MCM3: variants seen among roughly 807,000 people sequenced by gnomAD.
The protein encoded by MCM3 is minichromosome maintenance complex component 3.
MCM3 carries 59 observed loss-of-function variants against 91.3 expected under a neutral mutation model. That is an observed-to-expected ratio of 0.65 (90% confidence interval 0.52 to 0.80). MCM3 has a LOEUF of 0.80. MCM3 is among the 30% of genes least tolerant of loss of function. The pLI is 0.00. For missense variants in MCM3, 919 were observed against 1,035.4 expected (o/e 0.89, Z 1.54); for synonymous variants, 383 against 379.6 (o/e 1.01, Z -0.10).
chr6:52,282,293 G>A (rs548898427), intron 3 of MCM3, 118 bp from the exon 4 acceptor site: 207 of 890,176 alleles, frequency 2.3e-4, no homozygotes, highest in Admixed American at 6.2e-4. Context: ...ACTAGGTTAC[G>A]ATATTTCAAT....
chr6:52,269,071 C>G lies in MCM3; in HGVS notation c.1968+15G>C. On this transcript the variant is annotated intron_variant, in intron 13 of 16. Transcript: ENST00000596288. The stretch of plus-strand genomic sequence containing the variant: ...TCCAGGAGATCCTCTCATGCCCAGG[C>G]ATCTGAATCCTCACCTTCTTAAAGT... The G allele has an allele frequency of 6.2e-7, 1 of 1,605,362 alleles. No individual in the cohort carries two copies. The highest frequency in any genetic ancestry group is 8.5e-7 in the Non-Finnish European group (1 of 1,173,390).
At chr6:52,276,544 A>C (rs2128280869) in intron 8 of MCM3, 68 bp from the exon 9 acceptor site, 1 of 1,289,156 alleles carries the variant, frequency 7.8e-7, no homozygotes, top group East Asian at 2.4e-5. Context: ...GAAGGATTTC[A>C]ATCTCCTTCC....
At chr6:52,271,113 G>C (rs1406324648) in intron 12 of MCM3, among the ~76,000 whole-genome samples, 2 of 151,970 alleles carry the variant, frequency 1.3e-5, no homozygotes, top group African/African-American at 2.4e-5. Context: ...GGGAGGCGGA[G>C]GTTGCAGTGA....
rs112984542 is a variant in MCM3 at position 52,272,385 on chromosome 6, G to A, written c.1743C>T (p.Val581=). ...YIHVAKIIKP[V]LTQESATYIA... is the part of the protein sequence containing the mutation. ...TGTAGGTGGCCGACTCCTGTGTCAG[G>A]ACAGGCTTGATGATTTTGGCCACAT... is the stretch of plus-strand genomic sequence containing the variant. The change falls in exon 12 of 17, where the codon GTC becomes GTT. Residue 581 remains valine, a synonymous_variant. Coordinates refer to ENST00000596288, the MANE Select transcript of MCM3 (RefSeq NM_002388.6). 2 of 1,614,132 alleles carry A rather than the reference G, an allele frequency of 1.2e-6. No individual in the cohort carries two copies. The highest frequency in any genetic ancestry group is 2.2e-5 in the East Asian group (1 of 44,884).
At chr6:52,272,937 ACACT>A (rs973007665) in intron 11 of MCM3, among the ~76,000 whole-genome samples, 4 of 152,228 alleles carry the variant, frequency 2.6e-5, no homozygotes, top group African/African-American at 9.6e-5. Context: ...TGGCTACATG[ACACT>A]TGCCATCTTT....
chr6:52,264,857 G>A (rs1036039598), intron 16 of MCM3, 71 bp from the exon 17 acceptor site: 52 of 1,330,398 alleles, frequency 3.9e-5, no homozygotes, highest in Non-Finnish European at 5.4e-5. Context: ...AGCTATACTA[G>A]GAAAATCCAT....
Position 52,266,129 on chromosome 6 carries a change from G to C in MCM3, c.2174C>G (p.Thr725Arg), listed in dbSNP as rs200641063. 1 of 1,613,930 alleles carries C rather than the reference G, an allele frequency of 6.2e-7. No homozygotes were observed. The highest frequency in any genetic ancestry group is 8.5e-7 in the Non-Finnish European group (1 of 1,179,824). ...TTCCTTGGTCTCCTGTGAGTCTGCCGTCTTTGGAGTGTGTACTTCAGAGGG... is the reference window on the plus strand; with the variant it reads ...TTCCTTGGTCTCCTGTGAGTCTGCCCTCTTTGGAGTGTGTACTTCAGAGGG... ...EEMPQVHTPKTADSQETKESQ... is the reference protein window; with the variant it reads ...EEMPQVHTPKRADSQETKESQ... The change falls in exon 16 of 17, where the codon ACG (threonine) becomes AGG (arginine). Residue 725 changes from threonine (T) to arginine (R), a missense_variant. Coordinates refer to ENST00000596288, the MANE Select transcript of MCM3 (RefSeq NM_002388.6).
At chr6:52,268,275 A>C (rs192918379) in intron 13 of MCM3, among the ~76,000 whole-genome samples, 274 of 152,326 alleles carry the variant, frequency 1.8e-3, no homozygotes, top group African/African-American at 6.3e-3. Flanking sequence ...TTTCCTTATA[A>C]ATCAGGTGTC....
In MCM3 at chr6:52,266,161, G is replaced by A; in HGVS notation, c.2159-17C>T. 1.2e-6 allele frequency: 2 copies of A among 1,604,732 alleles called. No individual in the cohort carries two copies. Among genetic ancestry groups the A allele is most frequent in the East Asian group, 2.2e-5 (1 of 44,838 alleles). The stretch of plus-strand genomic sequence containing the variant: ...GAGTGTGTACTTCAGAGGGTTGATG[G>A]TTGTAGAGATGGGGAAGATAAGCAA... On this transcript the variant is annotated splice_polypyrimidine_tract_variant and intron_variant, in intron 15 of 16. Coordinates refer to ENST00000596288, the MANE Select transcript of MCM3 (RefSeq NM_002388.6).
At position 52,278,867 on chromosome 6, in the gene MCM3, A is replaced by G. The variant is rs1202398600; in HGVS notation, c.771-17T>C. The G allele has an allele frequency of 1.3e-6, 2 of 1,565,500 alleles. No individual in the cohort carries two copies. The highest frequency in any genetic ancestry group is 1.7e-5 in the Admixed American group (1 of 58,802). On this transcript the variant is annotated splice_polypyrimidine_tract_variant and intron_variant, in intron 5 of 16. Transcript: ENST00000596288. ...AGGACAGTCCTGGGACAAACAGAAT[A>G]AAGAGGAAACCCGTTATATTCAATT...
chr6:52,264,282 A>G lies in MCM3; in HGVS notation c.*306T>C, dbSNP rs1434435749. ...GCCCCCAAAAGTACTCAGAAGTCAT[A>G]TGTTATTTACAATTGGGTTTGTGTG... On this transcript the variant is annotated 3_prime_UTR_variant, in exon 17 of 17. Coordinates refer to ENST00000596288, the MANE Select transcript of MCM3 (RefSeq NM_002388.6). The G allele has an allele frequency of 6.1e-6, 2 of 326,064 alleles. No individual in the cohort carries two copies. Among genetic ancestry groups the G allele is most frequent in the African/African-American group, 4.2e-5 (2 of 47,112 alleles). The allele number at this position is 326,064 out of a possible 1,614,324, so 20.2% of individuals were successfully genotyped here. A position where few individuals can be genotyped will look rare whatever the true frequency, so the allele number is the denominator to read the frequency against.
chr6:52,275,234 G>A (rs956433661), intron 9 of MCM3, among the ~76,000 whole-genome samples: 4 of 152,172 alleles, frequency 2.6e-5, no homozygotes, highest in Admixed American at 6.5e-5. Flanking sequence ...CCATCGCATC[G>A]CAACAAGGTG....
Position 52,264,659 on chromosome 6 carries a change from G to A in MCM3, c.2356C>T (p.Gln786Ter). Residue 786 changes from glutamine (Q) to a stop codon, truncating the protein, a stop_gained, in exon 17 of 17, where the codon CAG (glutamine) becomes TAG (stop). Coordinates refer to ENST00000596288, the MANE Select transcript of MCM3 (RefSeq NM_002388.6). LOFTEE classifies it high-confidence loss of function. Reference protein sequence around the residue: ...SEEPFSSVEIQAALSKMQDDN... With the variant: ...SEEPFSSVEI ...TCCTGCATCTTGCTCAGAGCAGCCT[G>A]GATCTCAACTGAAGAGAAGGGCTCT... 1 of 1,614,180 alleles carries A rather than the reference G, an allele frequency of 6.2e-7. No individual in the cohort carries two copies. The highest frequency in any genetic ancestry group is 8.5e-7 in the Non-Finnish European group (1 of 1,180,046).
At chr6:52,268,405 C>G (rs1764815445) in intron 13 of MCM3, among the ~76,000 whole-genome samples, 1 of 152,070 alleles carries the variant, frequency 6.6e-6, no homozygotes, top group South Asian at 2.1e-4. Context: ...TACAACTCAA[C>G]CCTTAACCTA....
Position 52,277,217 on chromosome 6 carries a change from G to A in MCM3, c.1034-19C>T. On this transcript the variant is annotated intron_variant, in intron 7 of 16. Transcript: ENST00000596288. ...GGGTCTCCTGTAGGGTGGGGGCAGT[G>A]ATGACTCTCTAGGAAACTCCCCAGC... The A allele has an allele frequency of 6.2e-7, 1 of 1,608,580 alleles. No individual in the cohort carries two copies. Among genetic ancestry groups the A allele is most frequent in the Admixed American group, 1.7e-5 (1 of 59,906 alleles).
chr6:52,274,747 CTCCTT>C (rs1312211387), intron 9 of MCM3, among the ~76,000 whole-genome samples: 1 of 151,602 alleles, frequency 6.6e-6, no homozygotes, highest in Non-Finnish European at 1.5e-5. Flanking sequence ...CCCCAATACT[CTCCTT>C]TCAATTCTGG....
Position 52,267,977 on chromosome 6 carries a change from A to T in MCM3, c.1969-9T>A. ...TTCTCCTTCTCCAGAACCTAAGACC[A>T]AGGCAAGTGTGGCTGGGCTAGAGGG... On this transcript the variant is annotated splice_polypyrimidine_tract_variant and intron_variant, in intron 13 of 16. Transcript: ENST00000596288. 1 of 1,613,994 alleles carries T rather than the reference A, an allele frequency of 6.2e-7. No homozygotes were observed. The highest frequency in any genetic ancestry group is 8.5e-7 in the Non-Finnish European group (1 of 1,179,920).
At position 52,272,381 on chromosome 6, in the gene MCM3, T is replaced by C. The variant is rs1225853064; in HGVS notation, c.1747A>G (p.Thr583Ala). The part of the protein sequence containing the change: ...HVAKIIKPVL[T>A]QESATYIAEE... ...GCAATGTAGGTGGCCGACTCCTGTG[T>C]CAGGACAGGCTTGATGATTTTGGCC... Residue 583 changes from threonine to alanine, a missense_variant, in exon 12 of 17, where the codon ACA becomes GCA. By Grantham distance (58) the Thr-to-Ala change is moderately conservative. Around this residue, in one of 3 missense-constraint regions of MCM3, gnomAD observed 285 missense variants for 311.4 expected, o/e 0.92. Coordinates refer to ENST00000596288, the MANE Select transcript of MCM3 (RefSeq NM_002388.6). The C allele has an allele frequency of 6.2e-7, 1 of 1,614,202 alleles. No homozygotes were observed. Among genetic ancestry groups the C allele is most frequent in the African/African-American group, 1.3e-5 (1 of 75,056 alleles).
intron 14 of MCM3, among the ~76,000 whole-genome samples, chr6:52,267,261 C>A (rs1404394517): frequency 1.3e-5 from 2 of 151,506 alleles, no homozygotes; most frequent in African/African-American, 4.9e-5. Context: ...ACCACGCCAG[C>A]CTAATTTTTT....
Sources: allele counts gnomAD v4.1 joint callset (sites outside exome capture counted in the v4.1 genomes callset), GRCh38; gene constraint gnomAD v4.1.1; regional missense constraint gnomAD v4.1.1; transcripts MANE v1.5; gene names NCBI Gene and HGNC (gene_info 2026-07-23, HGNC 2026-07-21).